Variants in GSE1 observed in about 807,000 individuals in gnomAD.
The protein encoded by GSE1 is genetic suppressor element 1.
GSE1 carries 32 observed loss-of-function variants against 112.6 expected under a neutral mutation model. That is an observed-to-expected ratio of 0.28 (90% confidence interval 0.21 to 0.38). The LOEUF (loss-of-function observed/expected upper bound fraction) is 0.38, where lower values mean the gene tolerates loss of function less well. GSE1 is among the 10% of genes least tolerant of loss of function. The pLI is 1.00. For synonymous variants in GSE1, 1,115 were observed against 735.6 expected (o/e 1.52, Z -8.35); for missense variants, 2,348 against 1,699.2 (o/e 1.38, Z -6.71).
chr16:85,383,027 C>T (rs1260023129), intron 2 of GSE1, among the ~76,000 whole-genome samples: 1 of 152,010 alleles, frequency 6.6e-6, no homozygotes, highest in Non-Finnish European at 1.5e-5. Flanking sequence ...TGCACCCACA[C>T]ATGCACACAC....
At chr16:85,633,878 T>C in intron 1 of GSE1, 36 bp from the exon 2 acceptor site, 1 of 1,557,832 alleles carries the variant, frequency 6.4e-7, no homozygotes, top group Non-Finnish European at 8.8e-7. Flanking sequence ...GCTCCTGCTC[T>C]CTGGGTGACC....
intron 1 of GSE1, among the ~76,000 whole-genome samples, chr16:85,332,966 C>G (rs1287083933): frequency 6.6e-6 from 1 of 152,102 alleles, no homozygotes; most frequent in Non-Finnish European, 1.5e-5. Context: ...AGACTGAACC[C>G]CCCTTGCTCC....
chr16:85,360,881 C>A (rs2151578657), intron 2 of GSE1, among the ~76,000 whole-genome samples: 1 of 151,686 alleles, frequency 6.6e-6, no homozygotes, highest in Middle Eastern at 3.4e-3. Flanking sequence ...ATAGATTTTT[C>A]CCAAGCACAC....
intron 2 of GSE1, among the ~76,000 whole-genome samples, chr16:85,502,207 C>G (rs902817544): frequency 6.6e-6 from 1 of 152,170 alleles, no homozygotes; most frequent in East Asian, 1.9e-4. Context: ...ATATGGGCTG[C>G]GTCCCGAGAG....
intron 1 of GSE1, among the ~76,000 whole-genome samples, chr16:85,585,740 G>C (rs536543070): frequency 6.6e-6 from 1 of 152,194 alleles, no homozygotes; most frequent in African/African-American, 2.4e-5. Flanking sequence ...TAGAGCTGAC[G>C]GCGATGACAC....
chr16:85,671,174 G>C (rs2053298776), intron 15 of GSE1, 76 bp downstream of exon 15: 1 of 836,626 alleles, frequency 1.2e-6, no homozygotes, highest in South Asian at 1.4e-5. Flanking sequence ...ATGCAGATAA[G>C]TTTCAGAGAG....
chr16:85,552,027 C>CT (rs1319349527), upstream of GSE1, among the ~76,000 whole-genome samples: 562 of 147,424 alleles, frequency 3.8e-3, 1 homozygote, highest in African/African-American at 0.011. Context: ...TTCTTTCTTT[C>CT]TTTTTTTTTT....
intron 1 of GSE1, among the ~76,000 whole-genome samples, chr16:85,323,428 CT>C (rs1567687681): frequency 6.6e-6 from 1 of 152,084 alleles, no homozygotes; most frequent in African/African-American, 2.4e-5. Flanking sequence ...TCTCAGGAGG[CT>C]GCCAAGGTGA....
intron 1 of GSE1, among the ~76,000 whole-genome samples, chr16:85,292,199 C>T (rs949443595): frequency 1.3e-4 from 20 of 150,362 alleles, no homozygotes; most frequent in African/African-American, 3.2e-4. Flanking sequence ...AGTGCAGTGG[C>T]GCAATCTTGG....
rs1431970696 is a variant in GSE1, at chr16:85,537,454, C to G, written c.2465-96460C>G. Among the ~76,000 whole-genome samples the G allele has an allele frequency of 3.3e-5, 5 of 152,186 alleles. No individual in the cohort carries two copies. In the East Asian group the frequency reaches 9.6e-4, roughly 29 times the overall value. On this transcript the variant is annotated intron_variant, in intron 2 of 2. Coordinates refer to the GSE1 transcript ENST00000637419. ...GCTAAGTGAGGGCTTGAGGGCTGCCCGGCCGGCCCAACCTGGGGTCAACGG... is the reference window on the plus strand; with the variant it reads ...GCTAAGTGAGGGCTTGAGGGCTGCCGGGCCGGCCCAACCTGGGGTCAACGG...
intron 2 of GSE1, among the ~76,000 whole-genome samples, chr16:85,432,508 G>A (rs8052794): frequency 6.6e-6 from 1 of 152,114 alleles, no homozygotes; most frequent in Admixed American, 6.5e-5. Context: ...CAACTGCACA[G>A]GGTTCTTTCC....
chr16:85,463,460 A>G (rs2050034854), intron 2 of GSE1, among the ~76,000 whole-genome samples: 2 of 152,100 alleles, frequency 1.3e-5, no homozygotes, highest in Non-Finnish European at 2.9e-5. Flanking sequence ...GCTGCACCGC[A>G]GGGCTCTGCC....
rs1439095824 is a variant in GSE1, at chr16:85,491,830, T to G, written c.2464+134187T>G. ...TGGATGCAGCCTGGAGGGTGCCCCT[T>G]TCTTGGGAGACACAGCGCCCCTTGC... is the stretch of plus-strand genomic sequence containing the variant. On this transcript the variant is annotated intron_variant, in intron 2 of 2. Transcript: ENST00000637419. Among the ~76,000 whole-genome samples, 3 of 152,078 alleles carry G rather than the reference T, an allele frequency of 2.0e-5. No homozygotes were observed. The East Asian group carries it at 5.8e-4, about 29-fold the overall frequency.
At chr16:85,520,279 C>T (rs889159577) in intron 2 of GSE1, among the ~76,000 whole-genome samples, 6 of 152,158 alleles carry the variant, frequency 3.9e-5, no homozygotes, top group Non-Finnish European at 7.3e-5. Context: ...CCCTAATCAC[C>T]TCCAAAGGCC....
At chr16:85,507,361 C>G (rs904675820) in intron 2 of GSE1, among the ~76,000 whole-genome samples, 16 of 152,208 alleles carry the variant, frequency 1.1e-4, no homozygotes, top group African/African-American at 3.9e-4. Context: ...CCACTCGTCT[C>G]TCTCTTCCTC....
chr16:85,201,021 T>G (rs902088437), intron 1 of GSE1, among the ~76,000 whole-genome samples: 1 of 152,162 alleles, frequency 6.6e-6, no homozygotes, highest in African/African-American at 2.4e-5. Context: ...AGTATTGGTT[T>G]TGTTTTCGTT....
chr16:85,421,893 A>G (rs959076963), intron 2 of GSE1, among the ~76,000 whole-genome samples: 13 of 152,186 alleles, frequency 8.5e-5, no homozygotes, highest in Admixed American at 3.9e-4. Flanking sequence ...AAGAAGCTTC[A>G]AGGCCGGCCT....
intron 15 of GSE1, 119 bp from the exon 16 acceptor site, chr16:85,672,286 C>A: frequency 1.3e-6 from 1 of 749,280 alleles, no homozygotes; most frequent in Non-Finnish European, 2.3e-6. Flanking sequence ...TGAGCCACCA[C>A]GCCCGGCCGG....
intron 1 of GSE1, among the ~76,000 whole-genome samples, chr16:85,296,521 C>T (rs1047801893): frequency 1.3e-5 from 2 of 152,176 alleles, no homozygotes; most frequent in African/African-American, 4.8e-5. Context: ...GCACTAGAAT[C>T]GTTTGAGCCC....
Sources: gnomAD v4.1 joint callset for allele counts (sites outside exome capture counted in the v4.1 genomes callset) on GRCh38, gnomAD v4.1.1 for gene constraint, MANE v1.5 for transcripts, NCBI Gene and HGNC (gene_info 2026-07-23, HGNC 2026-07-21) for gene names.